Variants in DLGAP2 observed in about 807,000 individuals in gnomAD.
The protein encoded by DLGAP2 is disks large-associated protein 2.
In DLGAP2, 26 loss-of-function variants were observed where a neutral mutation model predicts 100.3. The ratio of observed to expected loss-of-function variants is 0.26; its 90% confidence interval spans 0.19 to 0.36. The LOEUF (loss-of-function observed/expected upper bound fraction) is 0.36, where lower values mean the gene tolerates loss of function less well. Among genes scored for constraint, DLGAP2 ranks in the 10% least tolerant of loss-of-function variants. The pLI is 1.00. For synonymous variants in DLGAP2, 886 were observed against 630.1 expected (o/e 1.41, Z -6.08); for missense variants, 1,858 against 1,453.2 (o/e 1.28, Z -4.53).
intron 2 of DLGAP2, among the ~76,000 whole-genome samples, chr8:1,112,794 A>G (rs1211116096): frequency 6.6e-6 from 1 of 152,130 alleles, no homozygotes; most frequent in East Asian, 1.9e-4. Context: ...CTCATTCAGG[A>G]TGATATTGCC....
At chr8:966,938 T>C (rs144374536) in intron 2 of DLGAP2, among the ~76,000 whole-genome samples, 1 of 152,266 alleles carries the variant, frequency 6.6e-6, no homozygotes, top group African/African-American at 2.4e-5. Context: ...TTGACATACA[T>C]CAGATAAATC....
chr8:1,136,413 T>C lies in DLGAP2; in HGVS notation c.74-122438T>C, dbSNP rs554848297. On this transcript the variant is annotated intron_variant, in intron 2 of 14. Coordinates refer to ENST00000637795, the MANE Select transcript of DLGAP2 (RefSeq NM_001346810.2). ...GAAGGGAGTGGGAACACAGCTTCCC[T>C]GCAGCAGCAGATCTGGACAGCTCTC... Among the ~76,000 whole-genome samples the C allele has an allele frequency of 1.4e-4, 22 of 152,348 alleles. No homozygotes were observed. In the South Asian group the frequency reaches 2.3e-3, roughly 16 times the overall value.
At chr8:1,639,741 G>A (rs117762939) in intron 8 of DLGAP2, among the ~76,000 whole-genome samples, 6 of 152,198 alleles carry the variant, frequency 3.9e-5, no homozygotes, top group Admixed American at 1.3e-4. Context: ...GGAGGCTTCC[G>A]GGGAGCCCGC....
At chr8:1,234,872 A>G (rs1798609750) in intron 2 of DLGAP2, among the ~76,000 whole-genome samples, 1 of 152,182 alleles carries the variant, frequency 6.6e-6, no homozygotes, top group Non-Finnish European at 1.5e-5. Flanking sequence ...TAACTGTCAC[A>G]GCGCTGTGTC....
intron 2 of DLGAP2, among the ~76,000 whole-genome samples, chr8:915,113 A>G (rs977580394): frequency 1.3e-5 from 2 of 152,170 alleles, no homozygotes; most frequent in Non-Finnish European, 2.9e-5. Context: ...AAAGCCTCCC[A>G]TTGGGAGACT....
At chr8:1,238,596 C>G (rs1408605923) in intron 2 of DLGAP2, among the ~76,000 whole-genome samples, 1 of 95,848 alleles carries the variant, frequency 1.0e-5, no homozygotes, top group African/African-American at 4.1e-5. Flanking sequence ...TTACCTATCA[C>G]ATGGTGCCGT....
At chr8:1,603,458 G>A (rs1253737189) in intron 6 of DLGAP2, among the ~76,000 whole-genome samples, 4 of 151,782 alleles carry the variant, frequency 2.6e-5, no homozygotes, top group Admixed American at 6.6e-5. Context: ...TGGAGGCTGG[G>A]TCTCAGTTCT....
At chr8:1,256,256 C>T (rs1585198421) in intron 2 of DLGAP2, among the ~76,000 whole-genome samples, 1 of 117,016 alleles carries the variant, frequency 8.5e-6, no homozygotes, top group African/African-American at 3.1e-5. Context: ...TGTGTGTGTC[C>T]TCTCCTGCCT....
chr8:1,447,254 T>G (rs966470079), intron 3 of DLGAP2, among the ~76,000 whole-genome samples: 1 of 152,264 alleles, frequency 6.6e-6, no homozygotes, highest in Non-Finnish European at 1.5e-5. Flanking sequence ...CTTATTATTT[T>G]GGGATACATC....
chr8:1,374,402 A>C (rs1441195415), intron 3 of DLGAP2, among the ~76,000 whole-genome samples: 2 of 152,132 alleles, frequency 1.3e-5, no homozygotes, highest in Non-Finnish European at 2.9e-5. Context: ...TTACAAGACC[A>C]ACTTTTGTTC....
rs377735635 is a variant in DLGAP2 at position 1,525,608 on chromosome 8, C to T, written c.173-23018C>T. 1.8e-3 allele frequency among the ~76,000 whole-genome samples: 269 copies of T among 152,326 alleles called. 7 individuals carry two copies. In the South Asian group the frequency reaches 0.053, roughly 30 times the overall value. On this transcript the variant is annotated intron_variant, in intron 4 of 14. Coordinates refer to ENST00000637795, the MANE Select transcript of DLGAP2 (RefSeq NM_001346810.2). Reference sequence around the variant, plus strand: ...GTGAATTCCCAGATCCAACCATGTGCGAATCGCAGAAAGAATAGTAGATTT... The same window carrying T: ...GTGAATTCCCAGATCCAACCATGTGTGAATCGCAGAAAGAATAGTAGATTT...
intron 2 of DLGAP2, among the ~76,000 whole-genome samples, chr8:1,181,262 G>A (rs1797381131): frequency 6.6e-6 from 1 of 152,066 alleles, no homozygotes; most frequent in Non-Finnish European, 1.5e-5. Flanking sequence ...TCGAGTGTGG[G>A]TGGCACACAT....
At chr8:767,297 A>G (rs1173145593) in intron 1 of DLGAP2, among the ~76,000 whole-genome samples, 1 of 150,888 alleles carries the variant, frequency 6.6e-6, no homozygotes, top group Non-Finnish European at 1.5e-5. Flanking sequence ...AAGCAGTTCA[A>G]GGATGCCCAA....
At chr8:877,428 T>G (rs1227081069) in intron 1 of DLGAP2, among the ~76,000 whole-genome samples, 1 of 152,204 alleles carries the variant, frequency 6.6e-6, no homozygotes, top group Non-Finnish European at 1.5e-5. Context: ...CAGCTTTGGG[T>G]GTGACCCCCT....
intron 3 of DLGAP2, among the ~76,000 whole-genome samples, chr8:1,468,122 C>G (rs1463504267): frequency 2.0e-5 from 3 of 152,362 alleles, no homozygotes; most frequent in East Asian, 3.9e-4. Context: ...GTCACAGGAG[C>G]AGGGAGGTCC....
At chr8:1,263,360 T>C (rs1007124083) in intron 3 of DLGAP2, among the ~76,000 whole-genome samples, 2 of 152,190 alleles carry the variant, frequency 1.3e-5, no homozygotes, top group Non-Finnish European at 2.9e-5. Flanking sequence ...CTTTGGTTAT[T>C]GGAAAACACA....
intron 2 of DLGAP2, among the ~76,000 whole-genome samples, chr8:1,205,469 C>G (rs1477885926): frequency 2.0e-5 from 3 of 152,170 alleles, no homozygotes; most frequent in Non-Finnish European, 4.4e-5. Context: ...GCCTCAAAAG[C>G]TTGGGAGAGA....
rs1481581399 is a variant in DLGAP2 at position 1,701,938 on chromosome 8, C to A, written c.*532C>A. The A allele has an allele frequency of 6.6e-6, 1 of 152,526 alleles. No individual in the cohort carries two copies. The highest frequency in any genetic ancestry group is 6.5e-5 in the Admixed American group (1 of 15,296). The allele number at this position is 152,526 out of a possible 1,614,324, so 9.4% of individuals were successfully genotyped here. A position where few individuals can be genotyped will look rare whatever the true frequency, so the allele number is the denominator to read the frequency against. ...CTCCCTGAGCACGGGCCGCTCCGCT[C>A]CCCTGCTCCTGTCTGTCTCGGACAG... On this transcript the variant is annotated 3_prime_UTR_variant, in exon 15 of 15. Transcript: ENST00000637795.
At chr8:1,120,184 A>G (rs1796001948) in intron 2 of DLGAP2, among the ~76,000 whole-genome samples, 1 of 152,122 alleles carries the variant, frequency 6.6e-6, no homozygotes. Flanking sequence ...CAGCCCCTTC[A>G]TTTATGGGAG....
Sources: allele counts gnomAD v4.1 joint callset (sites outside exome capture counted in the v4.1 genomes callset), GRCh38; gene constraint gnomAD v4.1.1; transcripts MANE v1.5; gene names NCBI Gene and HGNC (gene_info 2026-07-23, HGNC 2026-07-21).